Variants in IL1R1 observed in about 807,000 individuals in gnomAD.
IL1R1 encodes interleukin 1 receptor type 1.
In IL1R1, 22 loss-of-function variants were observed where a neutral mutation model predicts 50.2. The observed-to-expected ratio is 0.44, with a 90% CI of 0.31 to 0.63. The LOEUF (loss-of-function observed/expected upper bound fraction) is 0.63. IL1R1 is among the 20% of genes least tolerant of loss of function. The pLI is 0.07. For missense variants in IL1R1, 509 were observed against 676.2 expected (o/e 0.75, Z 2.74); for synonymous variants, 251 against 236.7 (o/e 1.06, Z -0.55).
chr2:102,089,367 A>G (rs1378990045), intron 1 of IL1R1, among the ~76,000 whole-genome samples: 1 of 152,212 alleles, frequency 6.6e-6, no homozygotes, highest in Non-Finnish European at 1.5e-5. Context: ...GTCAGAACAC[A>G]TTTATTAACT....
At chr2:102,131,156 C>T (rs1184463090) in intron 1 of IL1R1, among the ~76,000 whole-genome samples, 1 of 152,194 alleles carries the variant, frequency 6.6e-6, no homozygotes, top group Non-Finnish European at 1.5e-5. Context: ...TTAGAGGACT[C>T]AGAAGCATCA....
chr2:102,152,137 G>A (rs564796466), intron 1 of IL1R1, among the ~76,000 whole-genome samples: 1 of 152,228 alleles, frequency 6.6e-6, no homozygotes, highest in South Asian at 2.1e-4. Context: ...CAATGGATGA[G>A]TGGTGGAGAC....
At chr2:102,137,281 G>C (rs1404248869) in intron 1 of IL1R1, among the ~76,000 whole-genome samples, 1 of 152,146 alleles carries the variant, frequency 6.6e-6, no homozygotes, top group African/African-American at 2.4e-5. Context: ...TATTTTGCTA[G>C]AATCTACCCT....
upstream of IL1R1, among the ~76,000 whole-genome samples, chr2:102,101,861 T>A (rs2104338493): frequency 6.6e-6 from 1 of 152,308 alleles, no homozygotes; most frequent in South Asian, 2.1e-4. Context: ...TTTGAGAGAT[T>A]ATCCATTAAC....
chr2:102,086,500 CATT>C lies in IL1R1; in HGVS notation c.-84+15972_-84+15974del, dbSNP rs1258628287. Among the ~76,000 whole-genome samples, 5 of 151,996 alleles carry C rather than the reference CATT, an allele frequency of 3.3e-5. No homozygotes were observed. In the East Asian group the frequency reaches 9.7e-4, roughly 29 times the overall value. ...TTTCACTGTTTGAAAAGTTGTCAGT[CATT>C]ATTACTTTAAATATTTTCTACGCCT... On this transcript the variant is annotated intron_variant, in intron 1 of 11. Transcript: ENST00000409929.
rs1478607614 is a variant in IL1R1 at position 102,153,991 on chromosome 2, T to A, written c.-33T>A. 4 of 152,382 alleles carry A rather than the reference T, an allele frequency of 2.6e-5. No individual in the cohort carries two copies. In the East Asian group the frequency reaches 7.5e-4, roughly 29 times the overall value. The allele number at this position is 152,382 out of a possible 1,614,324, so 9.4% of individuals were successfully genotyped here. On this transcript the variant is annotated 5_prime_UTR_variant, in exon 2 of 12. It adds an upstream start codon to the 5' untranslated region. Coordinates refer to ENST00000410023, the MANE Select transcript of IL1R1 (RefSeq NM_000877.4). Reference sequence around the variant, plus strand: ...ACTCCCTCCTGAGAAGCTGGACCCCTTGGTAAAAGACAAGGCCTTCTCCAA... The same window carrying A: ...ACTCCCTCCTGAGAAGCTGGACCCCATGGTAAAAGACAAGGCCTTCTCCAA...
chr2:102,140,537 G>C (rs1682586887), upstream of IL1R1, among the ~76,000 whole-genome samples: 1 of 152,204 alleles, frequency 6.6e-6, no homozygotes, highest in Non-Finnish European at 1.5e-5. Flanking sequence ...CAAGATGTGG[G>C]CCATTGGATT....
Position 102,176,871 on chromosome 2 carries a change from T to C in IL1R1, c.*112T>C, listed in dbSNP as rs562331303. On this transcript the variant is annotated 3_prime_UTR_variant, in exon 12 of 12. Transcript: ENST00000410023. ...TCATGGAATGTAACTATATCATCCTTTATCCCTGAGGTCACCTGGAATCAG... is the reference window on the plus strand; with the variant it reads ...TCATGGAATGTAACTATATCATCCTCTATCCCTGAGGTCACCTGGAATCAG... 2.9e-6 allele frequency: 3 copies of C among 1,042,586 alleles called. No homozygotes were observed. The African/African-American group carries it at 4.8e-5, about 17-fold the overall frequency. The allele number at this position is 1,042,586 out of a possible 1,614,324, so 64.6% of individuals were successfully genotyped here.
In IL1R1 at chr2:102,136,569, G is replaced by T. The variant is rs967250225; in HGVS notation, c.-83-17372G>T. Among the ~76,000 whole-genome samples the T allele has an allele frequency of 2.6e-5, 4 of 151,914 alleles. No individual in the cohort carries two copies. The South Asian group carries it at 8.3e-4, about 32-fold the overall frequency. On this transcript the variant is annotated intron_variant, in intron 1 of 10. Transcript: ENST00000409329. ...TTTTTTGTATCTTTAGTAGAGACGG[G>T]GTTTCCCCATGTTGGCCAGGCTGGT...
chr2:102,126,704 T>C (rs1413768138), intron 1 of IL1R1, among the ~76,000 whole-genome samples: 1 of 151,880 alleles, frequency 6.6e-6, no homozygotes, highest in African/African-American at 2.4e-5. Flanking sequence ...CAACCAAAAA[T>C]ACTCCCGCTT....
At chr2:102,100,161 A>T (rs914269933), upstream of IL1R1, among the ~76,000 whole-genome samples, 1 of 152,100 alleles carries the variant, frequency 6.6e-6, no homozygotes, top group Non-Finnish European at 1.5e-5. Flanking sequence ...AATTTGATAA[A>T]TTTTTTTGGC....
At chr2:102,175,924 G>T (rs531826808) in intron 11 of IL1R1, 2 of 533,458 alleles carry the variant, frequency 3.7e-6, no homozygotes, top group Admixed American at 3.5e-5. Context: ...AAACAGGAGT[G>T]GTAGAGATCA....
At chr2:102,078,595 CACACAA>C (rs1374780772) in intron 1 of IL1R1, among the ~76,000 whole-genome samples, 2 of 145,518 alleles carry the variant, frequency 1.4e-5, no homozygotes, top group Admixed American at 6.8e-5. Context: ...CACACACACA[CACACAA>C]GAAAAAAAAA....
At chr2:102,110,762 G>T (rs1331711543) in intron 1 of IL1R1, among the ~76,000 whole-genome samples, 1 of 152,070 alleles carries the variant, frequency 6.6e-6, no homozygotes, top group African/African-American at 2.4e-5. Context: ...TTGAGGCCTT[G>T]CTGTGTGTCC....
At chr2:102,146,023 T>TAAAG (rs1683090536) in intron 1 of IL1R1, among the ~76,000 whole-genome samples, 3 of 152,066 alleles carry the variant, frequency 2.0e-5, no homozygotes, top group Non-Finnish European at 4.4e-5. Flanking sequence ...AAGTTTCTTT[T>TAAAG]AAAGATCCCT....
chr2:102,107,189 A>C (rs1205479927), intron 1 of IL1R1, among the ~76,000 whole-genome samples: 1 of 152,170 alleles, frequency 6.6e-6, no homozygotes. Flanking sequence ...CTCTGCATGC[A>C]CACGTATGTT....
rs1459603731 is a variant in IL1R1 at position 102,114,086 on chromosome 2, T to TGGCTTG, written c.-84+9214_-84+9215insGGCTTG. ...GGGCACTGGTTTTTGAGTCCATTCATATCAAGCATGCCATTCAGGCTCTCT... is the reference window on the plus strand; with the variant it reads ...GGGCACTGGTTTTTGAGTCCATTCATGGCTTGATCAAGCATGCCATTCAGGCTCTCT... On this transcript the variant is annotated intron_variant, in intron 1 of 10. Coordinates refer to the IL1R1 transcript ENST00000409329. 7.2e-5 allele frequency among the ~76,000 whole-genome samples: 11 copies of TGGCTTG among 152,318 alleles called. No homozygotes were observed. The East Asian group carries it at 1.9e-3, about 27-fold the overall frequency.
At chr2:102,162,894 T>C (rs1332430206) in intron 3 of IL1R1, among the ~76,000 whole-genome samples, 2 of 152,170 alleles carry the variant, frequency 1.3e-5, no homozygotes, top group Non-Finnish European at 2.9e-5. Context: ...TCTTATAATA[T>C]TGTGCTTTTT....
chr2:102,150,296 G>C (rs1171105457), intron 1 of IL1R1, among the ~76,000 whole-genome samples: 8 of 152,148 alleles, frequency 5.3e-5, no homozygotes, highest in South Asian at 4.1e-4. Context: ...TGCGTGCACT[G>C]GGTATGAAAT....
Sources: allele counts gnomAD v4.1 joint callset (sites outside exome capture counted in the v4.1 genomes callset), GRCh38; gene constraint gnomAD v4.1.1; transcripts MANE v1.5; gene names NCBI Gene and HGNC (gene_info 2026-07-23, HGNC 2026-07-21).